NOX5: variants seen among roughly 807,000 people sequenced by gnomAD.
NOX5 encodes the protein NADPH oxidase 5, also known as NADPH oxidase, EF-hand calcium binding domain 5.
A neutral mutation model predicts 85.7 loss-of-function variants in NOX5; 76 were observed. The ratio of observed to expected loss-of-function variants is 0.89; its 90% CI spans 0.74 to 1.07. NOX5 has a LOEUF of 1.07. NOX5 is among the 50% of genes least tolerant of loss of function. The pLI is 0.00. For missense variants in NOX5, 973 were observed against 999.5 expected (o/e 0.97, Z 0.36); for synonymous variants, 405 against 401.4 (o/e 1.01, Z -0.11).
At position 69,059,006 on chromosome 15, in the gene NOX5, A is replaced by G. The variant is rs2050845912; in HGVS notation, c.*2310A>G. 2.0e-5 allele frequency: 3 copies of G among 152,190 alleles called. No individual in the cohort carries two copies. The highest frequency in any genetic ancestry group is 2.0e-4 in the Admixed American group (3 of 15,282). The allele number at this position is 152,190 out of a possible 1,614,324, so 9.4% of individuals were successfully genotyped here. On this transcript the variant is annotated 3_prime_UTR_variant, in exon 16 of 16. Coordinates refer to ENST00000388866, the MANE Select transcript of NOX5 (RefSeq NM_024505.4). ...ATGTCACCGTTTTGGATTCTTTCCC[A>G]TCTCTGTCTACACCGCCTTAACACA...
rs774695049 is a variant in NOX5 at position 69,042,828 on chromosome 15, G to A, written c.1647+23G>A. 3.7e-6 allele frequency: 6 copies of A among 1,608,346 alleles called. No homozygotes were observed. In the Admixed American group the frequency reaches 1.0e-4, roughly 27 times the overall value. On this transcript the variant is annotated intron_variant, in intron 10 of 15. Transcript: ENST00000388866. ...AAGGTAGGTGGCTACTGGAGGGAAG[G>A]GGTCCACTCTGCTGGCAAGTCCACA...
At chr15:69,052,735 G>C (rs1324346308) in intron 14 of NOX5, among the ~76,000 whole-genome samples, 1 of 152,178 alleles carries the variant, frequency 6.6e-6, no homozygotes, top group Non-Finnish European at 1.5e-5. Flanking sequence ...ACAGTCTTTG[G>C]AAGATAACTC....
chr15:69,026,782 G>T (rs945669678), intron 2 of NOX5, 131 bp downstream of exon 2: 4 of 1,276,800 alleles, frequency 3.1e-6, no homozygotes, highest in Non-Finnish European at 4.3e-6. Flanking sequence ...GCGGGCTGGC[G>T]GGATGTTTAT....
At chr15:69,021,928 A>G (rs2050300304) in intron 1 of NOX5, among the ~76,000 whole-genome samples, 1 of 152,212 alleles carries the variant, frequency 6.6e-6, no homozygotes, top group African/African-American at 2.4e-5. Flanking sequence ...TTGACATGGA[A>G]GGTGGCAGCC....
chr15:69,047,497 A>T lies in NOX5; in HGVS notation c.1777A>T (p.Ile593Phe), dbSNP rs755183645. 5.6e-6 allele frequency: 9 copies of T among 1,614,026 alleles called. No homozygotes were observed. In the Middle Eastern group the frequency reaches 6.6e-4, roughly 118 times the overall value. ...HAVLIGAGIG[I>F]TPFASILQSI... ...CGTGCTCATCGGGGCAGGCATCGGC[A>T]TCACCCCCTTTGCTTCCATTCTGCA... The change falls in exon 12 of 16, where the codon ATC (isoleucine) becomes TTC (phenylalanine). Residue 593 changes from isoleucine (I) to phenylalanine (F), a missense_variant. Ile to Phe is a conservative substitution (Grantham distance 21). Transcript: ENST00000388866.
At position 69,026,491 on chromosome 15, in the gene NOX5, AC is replaced by A. The variant is rs1427993358; in HGVS notation, c.51-33del. 5.0e-6 allele frequency: 8 copies of A among 1,613,562 alleles called. No individual in the cohort carries two copies. The African/African-American group carries it at 6.7e-5, about 13-fold the overall frequency. ...CATGAGACCTCATAAGGCTTTGGCC[AC>A]CCCAAGCCCATAAACCTGTTTCCTT... On this transcript the variant is annotated intron_variant, in intron 1 of 15. Coordinates refer to ENST00000388866, the MANE Select transcript of NOX5 (RefSeq NM_024505.4).
rs763028625 is a variant in NOX5, at chr15:69,038,974, G to C, written c.1489G>C (p.Ala497Pro). Residue 497 changes from alanine to proline, a missense_variant, in exon 9 of 16, where the codon GCT becomes CCT. Transcript: ENST00000388866. ...YEWHPFTISS[A>P]PEQKDTIWLH... ...GTGGCACCCCTTCACCATCAGCAGT[G>C]CTCCTGAGCAGAAAGGTAATGGCCA... 7 of 1,613,950 alleles carry C rather than the reference G, an allele frequency of 4.3e-6. No homozygotes were observed. The East Asian group carries it at 1.6e-4, about 36-fold the overall frequency.
chr15:69,045,879 G>A (rs1201635400), intron 10 of NOX5: 1 of 152,250 alleles, frequency 6.6e-6, no homozygotes, highest in Non-Finnish European at 1.5e-5. Flanking sequence ...AGGAGTTCAT[G>A]CCCCACACCA....
In NOX5 at chr15:69,035,468, C is replaced by T. The variant is rs1240594065; in HGVS notation, c.970C>T (p.Leu324=). 3 of 1,614,072 alleles carry T rather than the reference C, an allele frequency of 1.9e-6. No individual in the cohort carries two copies. Among genetic ancestry groups the T allele is most frequent in the Non-Finnish European group, 2.5e-6 (3 of 1,180,026 alleles). The change falls in exon 6 of 16, where the codon CTG becomes TTG. Residue 324 remains leucine, a synonymous_variant. Coordinates refer to ENST00000388866, the MANE Select transcript of NOX5 (RefSeq NM_024505.4). ...HQLMGYVVVG[L]SLVHTVAHTV... is the part of the protein sequence containing the mutation. ...GCTTATGGGCTACGTGGTAGTGGGG[C>T]TGTCCCTCGTGCACACCGTGGCTCA... is the stretch of plus-strand genomic sequence containing the variant.
intron 14 of NOX5, among the ~76,000 whole-genome samples, chr15:69,053,297 A>C (rs1011543140): frequency 1.3e-5 from 2 of 152,182 alleles, no homozygotes; most frequent in Non-Finnish European, 2.9e-5. Context: ...ACTAGTACCC[A>C]CCTCATAGGA....
rs926188094 is a variant in NOX5 at position 69,033,201 on chromosome 15, A to C, written c.779A>C (p.His260Pro). ...VLLFGLAASAHRDLGASVMVA... is the reference protein window; with the variant it reads ...VLLFGLAASAPRDLGASVMVA... ...CTCTTCGGGCTGGCGGCCAGCGCGC[A>C]CCGGGACCTCGGCGCCAGCGTCATG... is the stretch of plus-strand genomic sequence containing the variant. The change falls in exon 5 of 16, where the codon CAC becomes CCC. Residue 260 changes from histidine (H) to proline (P), a missense_variant. His to Pro is a moderately conservative substitution (Grantham distance 77). Coordinates refer to ENST00000388866, the MANE Select transcript of NOX5 (RefSeq NM_024505.4). The C allele has an allele frequency of 7.5e-6, 12 of 1,596,368 alleles. No homozygotes were observed. The highest frequency in any genetic ancestry group is 2.7e-5 in the African/African-American group (2 of 74,802).
chr15:69,052,278 C>A (rs1260040130), intron 14 of NOX5, among the ~76,000 whole-genome samples: 1 of 152,014 alleles, frequency 6.6e-6, no homozygotes, highest in Non-Finnish European at 1.5e-5. Context: ...ACCTCTCCCT[C>A]CTCACTGCCT....
chr15:69,028,219 TC>T lies in NOX5; in HGVS notation c.180del (p.Phe61LeufsTer26). ...TTCCACCCTTCTCGCCCACAGTCCTTCTTTGCAGAGCGATTCTTTGCCCTAT... is the reference window on the plus strand; with the variant it reads ...TTCCACCCTTCTCGCCCACAGTCCTTTTTGCAGAGCGATTCTTTGCCCTAT... ...FKAALHVKES[F>X]FAERFFALFD... is the part of the protein sequence containing the mutation. On this transcript the variant is annotated frameshift_variant, in exon 3 of 16. Coordinates refer to ENST00000388866, the MANE Select transcript of NOX5 (RefSeq NM_024505.4). LOFTEE classifies it high-confidence loss of function. The T allele has an allele frequency of 6.2e-7, 1 of 1,601,762 alleles. No homozygotes were observed. The highest frequency in any genetic ancestry group is 8.5e-7 in the Non-Finnish European group (1 of 1,174,074).
intron 14 of NOX5, among the ~76,000 whole-genome samples, chr15:69,050,996 C>T (rs995806479): frequency 1.3e-5 from 2 of 152,220 alleles, no homozygotes; most frequent in African/African-American, 4.8e-5. Context: ...AATTAATGCT[C>T]AGCCAGAGAC....
chr15:69,046,555 T>C (rs926933563), intron 10 of NOX5, among the ~76,000 whole-genome samples: 2 of 152,150 alleles, frequency 1.3e-5, no homozygotes, highest in Non-Finnish European at 2.9e-5. Flanking sequence ...ACAGTTGTTA[T>C]GGTGGGAGCC....
rs1390895769 is a variant in NOX5, at chr15:69,056,945, G to A, written c.*249G>A. 5.8e-6 allele frequency: 2 copies of A among 345,832 alleles called. No homozygotes were observed. The highest frequency in any genetic ancestry group is 1.1e-4 in the East Asian group (2 of 18,960). The allele number at this position is 345,832 out of a possible 1,614,324, so 21.4% of individuals were successfully genotyped here. A position where few individuals can be genotyped will look rare whatever the true frequency, so the allele number is the denominator to read the frequency against. ...TTCTGGGGTTTCTGTGAAAGTGAGGGAACCAGAGGCTGGTCACGGGAGCTT... is the reference window on the plus strand; with the variant it reads ...TTCTGGGGTTTCTGTGAAAGTGAGGAAACCAGAGGCTGGTCACGGGAGCTT... On this transcript the variant is annotated 3_prime_UTR_variant, in exon 16 of 16. Coordinates refer to ENST00000388866, the MANE Select transcript of NOX5 (RefSeq NM_024505.4).
In NOX5 at chr15:69,057,149, A is replaced by C; in HGVS notation, c.*453A>C. ...AAAAGTGAGAAGAATCATACAGTGA[A>C]CAGTGTTACCTACTTTCTAGACTCC... On this transcript the variant is annotated 3_prime_UTR_variant, in exon 16 of 16. Transcript: ENST00000388866. 6.2e-6 allele frequency: 1 copy of C among 161,616 alleles called. No homozygotes were observed. The highest frequency in any genetic ancestry group is 5.7e-5 in the Admixed American group (1 of 17,438). 10.0% of individuals were successfully genotyped at this position (161,616 alleles called of 1,614,324 possible).
rs539627707 is a variant in NOX5, at chr15:69,031,860, T to C, written c.620+48T>C. 3.9e-4 allele frequency: 593 copies of C among 1,536,930 alleles called. 4 individuals carry two copies. The South Asian group carries it at 6.8e-3, about 18-fold the overall frequency. ...GGCACTGTCCACGGCGGCGTTAGAC[T>C]CCTGGTCGGAAGTGTGGCAGGAACT... On this transcript the variant is annotated intron_variant, in intron 4 of 15. Coordinates refer to ENST00000388866, the MANE Select transcript of NOX5 (RefSeq NM_024505.4).
chr15:69,014,803 C>A lies in NOX5; in HGVS notation c.50+18C>A. On this transcript the variant is annotated intron_variant, in intron 1 of 15. Transcript: ENST00000388866. ...TGTAGAGGGTGAGTGGCTCATTTGT[C>A]CAGCTTTCCATGCCAGGGACAAGGG... 2.6e-6 allele frequency: 4 copies of A among 1,518,818 alleles called. No individual in the cohort carries two copies. The highest frequency in any genetic ancestry group is 3.6e-6 in the Non-Finnish European group (4 of 1,118,048). 94.1% of individuals were successfully genotyped at this position (1,518,818 alleles called of 1,614,324 possible).
Sources: allele counts gnomAD v4.1 joint callset (sites outside exome capture counted in the v4.1 genomes callset), GRCh38; gene constraint gnomAD v4.1.1; transcripts MANE v1.5; gene names NCBI Gene and HGNC (gene_info 2026-07-23, HGNC 2026-07-21).